Variants in RB1 observed in about 807,000 individuals in gnomAD.
The protein encoded by RB1 is RB transcriptional corepressor 1, also known as retinoblastoma-associated protein.
RB1 carries 18 observed loss-of-function variants against 135.4 expected under a neutral mutation model. The ratio of observed to expected loss-of-function variants is 0.13; its 90% CI spans 0.09 to 0.20. The LOEUF is 0.20. RB1 is among the 10% of genes least tolerant of loss of function. RB1 has a pLI of 1.00. For synonymous variants in RB1, 365 were observed against 373.2 expected (o/e 0.98, Z 0.25); for missense variants, 868 against 1,110.0 (o/e 0.78, Z 3.10).
At chr13:48,388,049 T>C (rs925211596) in intron 17 of RB1, among the ~76,000 whole-genome samples, 1 of 152,230 alleles carries the variant, frequency 6.6e-6, no homozygotes, top group African/African-American at 2.4e-5. Flanking sequence ...TCTTCCCTCA[T>C]TTAGTCTTAA....
chr13:48,314,292 A>G (rs908280957), intron 2 of RB1, among the ~76,000 whole-genome samples: 1 of 152,174 alleles, frequency 6.6e-6, no homozygotes, highest in African/African-American at 2.4e-5. Context: ...TTTGCGGAAT[A>G]TTGCATTCTT....
At chr13:48,391,590 A>G (rs1246791047) in intron 17 of RB1, 2 of 152,170 alleles carry the variant, frequency 1.3e-5, no homozygotes, top group East Asian at 1.9e-4. Flanking sequence ...CTCTGTCTCT[A>G]TTCTTATAAA....
intron 2 of RB1, among the ~76,000 whole-genome samples, chr13:48,316,171 C>T (rs1042625844): frequency 6.6e-6 from 1 of 151,604 alleles, no homozygotes; most frequent in Non-Finnish European, 1.5e-5. Flanking sequence ...GGAGCTCTCA[C>T]GTGCTTGCTG....
intron 17 of RB1, among the ~76,000 whole-genome samples, chr13:48,446,150 G>A (rs953381601): frequency 1.3e-5 from 2 of 152,014 alleles, no homozygotes; most frequent in Non-Finnish European, 2.9e-5. Flanking sequence ...TGGAGATGGG[G>A]TTTCACCATG....
At chr13:48,318,702 C>T in intron 2 of RB1, 2 of 625,288 alleles carry the variant, frequency 3.2e-6, no homozygotes, top group Non-Finnish European at 5.8e-6. Flanking sequence ...GCCGCCTCTA[C>T]GTTTCCTTTT....
chr13:48,475,241 C>A (rs936638672), intron 24 of RB1, among the ~76,000 whole-genome samples: 4 of 152,162 alleles, frequency 2.6e-5, no homozygotes, highest in Non-Finnish European at 5.9e-5. Context: ...ACATTACCCC[C>A]AAACTTAGTG....
intron 17 of RB1, among the ~76,000 whole-genome samples, chr13:48,410,478 C>T (rs1167146694): frequency 6.6e-6 from 1 of 152,178 alleles, no homozygotes; most frequent in Non-Finnish European, 1.5e-5. Context: ...TCATAAGCAA[C>T]ACGTGACAGT....
At chr13:48,412,083 C>T (rs1236789858) in intron 17 of RB1, 4 of 1,324,906 alleles carry the variant, frequency 3.0e-6, no homozygotes, top group Admixed American at 5.0e-5. Flanking sequence ...TGCCAGAAAT[C>T]GATCTACACT....
intron 19 of RB1, among the ~76,000 whole-genome samples, 199 bp from the exon 20 acceptor site, chr13:48,459,489 A>G (rs1949382082): frequency 6.6e-6 from 1 of 152,096 alleles, no homozygotes; most frequent in Admixed American, 6.5e-5. Context: ...GCATTTCTTC[A>G]TCTGTATCCC....
rs58163880 is a variant in RB1 at position 48,430,765 on chromosome 13, CAAAAA to C, written c.1696-22220_1696-22216del. On this transcript the variant is annotated intron_variant, in intron 17 of 26. Transcript: ENST00000267163. ...AAAAACAAAAAAACAAACAAACAAA[CAAAAA>C]AAAAAAACAGTAGAGGCCTGCTGTG... Among the ~76,000 whole-genome samples the C allele has an allele frequency of 3.3e-3, 500 of 150,046 alleles. 3 individuals are homozygous for C. Among genetic ancestry groups the C allele is most frequent in the African/African-American group, 0.01 (409 of 40,218 alleles).
intron 17 of RB1, among the ~76,000 whole-genome samples, chr13:48,417,809 G>T (rs947427253): frequency 1.3e-5 from 2 of 152,168 alleles, no homozygotes; most frequent in African/African-American, 2.4e-5. Flanking sequence ...GAAATAAAGT[G>T]TGAAGACAAG....
chr13:48,465,321 A>C lies in RB1; in HGVS notation c.2442A>C (p.Lys814Asn), dbSNP rs1566237790. ...IYISPLKSPY[K>N]ISEGLPTPTK... ...TTTCACCCCTGAAGAGTCCATATAA[A>C]ATTTCAGAAGGTCTGCCAACACCAA... is the stretch of plus-strand genomic sequence containing the variant. Residue 814 changes from lysine to asparagine, a missense_variant, in exon 23 of 27, where the codon AAA becomes AAC. This residue lies in a region of RB1 where 196 missense variants were observed against 239.8 expected (regional missense o/e 0.82). Coordinates refer to ENST00000267163, the MANE Select transcript of RB1 (RefSeq NM_000321.3). The C allele has an allele frequency of 6.2e-7, 1 of 1,611,544 alleles. No individual in the cohort carries two copies. The highest frequency in any genetic ancestry group is 8.5e-7 in the Non-Finnish European group (1 of 1,177,682).
At chr13:48,379,885 G>T (rs2070752) in intron 14 of RB1, among the ~76,000 whole-genome samples, 168 bp from the exon 15 acceptor site, 1 of 149,128 alleles carries the variant, frequency 6.7e-6, no homozygotes, top group Non-Finnish European at 1.5e-5. Context: ...CCTTGAACCA[G>T]GGAGGTGGAG....
chr13:48,370,042 A>G (rs375012812), intron 11 of RB1, among the ~76,000 whole-genome samples: 197 of 152,322 alleles, frequency 1.3e-3, no homozygotes, highest in African/African-American at 4.3e-3. Flanking sequence ...AAATGGATAC[A>G]TTTTCATATA....
chr13:48,345,530 A>G lies in RB1; in HGVS notation c.500+331A>G, dbSNP rs187243144. On this transcript the variant is annotated intron_variant, in intron 4 of 26. Transcript: ENST00000267163. ...TGACATAAATTTAAACTTCTTCCTA[A>G]TAGTGTTATTTAGTTTGGAACGAGA... Among the ~76,000 whole-genome samples, 7 of 152,274 alleles carry G rather than the reference A, an allele frequency of 4.6e-5. No homozygotes were observed. In the East Asian group the frequency reaches 1.2e-3, roughly 25 times the overall value.
intron 4 of RB1, among the ~76,000 whole-genome samples, chr13:48,346,622 T>G (rs181795477): frequency 2.0e-5 from 3 of 151,812 alleles, no homozygotes; most frequent in African/African-American, 2.4e-5. Flanking sequence ...CAATACATAT[T>G]AAACATATCT....
Position 48,367,330 on chromosome 13 carries a change from C to T in RB1, c.940-164C>T, listed in dbSNP as rs143856635. ...TGAACAAATGTTGCAATTTTCTGTA[C>T]CTCACTTTTAGATAGACCTTATTTA... On this transcript the variant is annotated intron_variant, in intron 9 of 26. Coordinates refer to ENST00000267163, the MANE Select transcript of RB1 (RefSeq NM_000321.3). Among the ~76,000 whole-genome samples, 845 of 152,142 alleles carry T rather than the reference C, an allele frequency of 5.6e-3. 5 individuals are homozygous for T. Among genetic ancestry groups the T allele is most frequent in the Middle Eastern group, 0.01 (3 of 294 alleles).
intron 12 of RB1, 98 bp from the exon 13 acceptor site, chr13:48,376,820 T>G: frequency 6.4e-7 from 1 of 1,573,088 alleles, no homozygotes; most frequent in South Asian, 1.1e-5. Context: ...TTCCACATTT[T>G]TATGAACAAT....
chr13:48,411,813 G>T (rs749778807), intron 17 of RB1: 2 of 1,612,596 alleles, frequency 1.2e-6, no homozygotes, highest in Admixed American at 1.7e-5. Flanking sequence ...CACCATACTA[G>T]AACAAGTTAC....
Sources: allele counts gnomAD v4.1 joint callset (sites outside exome capture counted in the v4.1 genomes callset), GRCh38; gene constraint gnomAD v4.1.1; regional missense constraint gnomAD v4.1.1; transcripts MANE v1.5; gene names NCBI Gene and HGNC (gene_info 2026-07-23, HGNC 2026-07-21).